Variants in MGAT4C observed in about 807,000 individuals in gnomAD.
MGAT4C encodes alpha-1,3-mannosyl-glycoprotein 4-beta-N-acetylglucosaminyltransferase C.
A neutral mutation model predicts 40.1 loss-of-function variants in MGAT4C; 19 were observed. The observed-to-expected ratio is 0.47, with a 90% confidence interval of 0.33 to 0.70. The LOEUF is 0.70. MGAT4C is among the 30% of genes least tolerant of loss of function. The probability of loss-of-function intolerance (pLI) is 0.02; values close to 1 mark genes in which losing one functional copy is unlikely to be tolerated. For synonymous variants in MGAT4C, 181 were observed against 187.1 expected, an observed-to-expected ratio of 0.97 and a Z score of 0.27; for missense variants, 491 against 563.2, an observed-to-expected ratio of 0.87 and a Z score of 1.30.
chr12:86,775,980 C>T (rs1014664410), intron 1 of MGAT4C, among the ~76,000 whole-genome samples: 28 of 151,672 alleles, frequency 1.8e-4, no homozygotes, highest in African/African-American at 5.1e-4. Context: ...TTTGACTGAA[C>T]GAATAACTTA....
At chr12:86,255,304 A>G (rs1952470821) in intron 1 of MGAT4C, among the ~76,000 whole-genome samples, 1 of 152,090 alleles carries the variant, frequency 6.6e-6, no homozygotes, top group Admixed American at 6.6e-5. Flanking sequence ...ACAACATTTG[A>G]GGGGATACAA....
intron 4 of MGAT4C, among the ~76,000 whole-genome samples, chr12:86,277,174 A>T (rs1461589994): frequency 6.6e-6 from 1 of 152,090 alleles, no homozygotes; most frequent in Non-Finnish European, 1.5e-5. Context: ...TGCCTTTCTC[A>T]ATGTTGAGCA....
chr12:86,048,366 A>C (rs778782064), intron 2 of MGAT4C, among the ~76,000 whole-genome samples: 15 of 151,994 alleles, frequency 9.9e-5, no homozygotes, highest in Non-Finnish European at 1.8e-4. Context: ...ATCGGGTACT[A>C]TGCTTGCTAC....
intron 1 of MGAT4C, among the ~76,000 whole-genome samples, chr12:86,200,461 A>G (rs1284424436): frequency 6.6e-6 from 1 of 152,056 alleles, no homozygotes; most frequent in Non-Finnish European, 1.5e-5. Context: ...AAAATCTTAT[A>G]CACTACCAGT....
chr12:86,213,935 G>A (rs1362524723), intron 1 of MGAT4C, among the ~76,000 whole-genome samples: 2 of 152,196 alleles, frequency 1.3e-5, no homozygotes, highest in Non-Finnish European at 2.9e-5. Flanking sequence ...TCTATTGTAT[G>A]CCCATAAGAC....
chr12:86,380,233 C>T (rs1955903328), intron 3 of MGAT4C, among the ~76,000 whole-genome samples: 2 of 151,932 alleles, frequency 1.3e-5, no homozygotes, highest in African/African-American at 4.8e-5. Context: ...GAATCAGAGC[C>T]ACTACAAAAG....
chr12:85,987,949 G>A (rs908930022), intron 3 of MGAT4C, among the ~76,000 whole-genome samples: 1 of 152,082 alleles, frequency 6.6e-6, no homozygotes, highest in African/African-American at 2.4e-5. Context: ...TTAATCAAGA[G>A]AATCTCTAGT....
chr12:86,429,902 C>G (rs954249005), intron 3 of MGAT4C, among the ~76,000 whole-genome samples: 3 of 152,050 alleles, frequency 2.0e-5, no homozygotes, highest in South Asian at 4.1e-4. Context: ...TCTGGAAGTC[C>G]TATTATGTGA....
At chr12:86,362,269 T>G (rs187863492) in intron 3 of MGAT4C, among the ~76,000 whole-genome samples, 4 of 152,104 alleles carry the variant, frequency 2.6e-5, no homozygotes, top group African/African-American at 9.7e-5. Flanking sequence ...TTCTCACTCA[T>G]AGGTGTGAAT....
intron 3 of MGAT4C, among the ~76,000 whole-genome samples, chr12:86,418,148 T>C (rs1956753600): frequency 6.6e-6 from 1 of 152,222 alleles, no homozygotes; most frequent in South Asian, 2.1e-4. Flanking sequence ...GGGCTATTGA[T>C]AAAATATTCT....
intron 2 of MGAT4C, among the ~76,000 whole-genome samples, chr12:86,473,118 G>A (rs1957779938): frequency 6.6e-6 from 1 of 152,024 alleles, no homozygotes; most frequent in African/African-American, 2.4e-5. Flanking sequence ...TCCACGTCCG[G>A]CTAATTTTTT....
chr12:86,039,199 G>T (rs1891560945), intron 2 of MGAT4C, among the ~76,000 whole-genome samples: 2 of 152,014 alleles, frequency 1.3e-5, no homozygotes, highest in Non-Finnish European at 2.9e-5. Flanking sequence ...TATGTGTCTT[G>T]GGGTTGCTCT....
At chr12:86,369,738 C>A (rs1381272978) in intron 3 of MGAT4C, among the ~76,000 whole-genome samples, 1 of 151,940 alleles carries the variant, frequency 6.6e-6, no homozygotes, top group Non-Finnish European at 1.5e-5. Flanking sequence ...AATAGAATTA[C>A]ATAATGCATT....
chr12:86,349,474 C>T (rs1246780179), intron 3 of MGAT4C, among the ~76,000 whole-genome samples: 1 of 152,134 alleles, frequency 6.6e-6, no homozygotes, highest in African/African-American at 2.4e-5. Context: ...ATATCTTCCT[C>T]ACTGTAGCAA....
At chr12:86,075,635 G>T (rs2135527957) in intron 1 of MGAT4C, among the ~76,000 whole-genome samples, 1 of 152,278 alleles carries the variant, frequency 6.6e-6, no homozygotes, top group South Asian at 2.1e-4. Context: ...GCAAACTTTT[G>T]CCTGGGAATC....
chr12:86,078,504 C>T (rs964677965), intron 1 of MGAT4C, among the ~76,000 whole-genome samples: 1 of 152,162 alleles, frequency 6.6e-6, no homozygotes, highest in Non-Finnish European at 1.5e-5. Context: ...GTGTTTATTC[C>T]AATGAGGACA....
At chr12:86,744,239 T>C (rs1429625249) in intron 1 of MGAT4C, among the ~76,000 whole-genome samples, 1 of 151,454 alleles carries the variant, frequency 6.6e-6, no homozygotes, top group East Asian at 2.0e-4. Flanking sequence ...ACTCAACTTC[T>C]TTCTACTCTA....
At chr12:86,469,756 T>C (rs1003537137) in intron 2 of MGAT4C, among the ~76,000 whole-genome samples, 25 of 152,126 alleles carry the variant, frequency 1.6e-4, no homozygotes, top group African/African-American at 5.8e-4. Flanking sequence ...TCTTAACCCA[T>C]AGAAACTGTG....
chr12:86,281,128 TG>T, intron 4 of MGAT4C, among the ~76,000 whole-genome samples: 1 of 152,136 alleles, frequency 6.6e-6, no homozygotes, highest in East Asian at 1.9e-4. Context: ...TGTTGTTTAT[TG>T]GCTCTTTTTC....
Sources: gnomAD v4.1 joint callset for allele counts (sites outside exome capture counted in the v4.1 genomes callset) on GRCh38, gnomAD v4.1.1 for gene constraint, MANE v1.5 for transcripts, NCBI Gene and HGNC (gene_info 2026-07-23, HGNC 2026-07-21) for gene names.